Variants in NBEA observed in about 807,000 individuals in gnomAD.
NBEA encodes neurobeachin.
A neutral mutation model predicts 343.4 loss-of-function variants in NBEA; 44 were observed. The ratio of observed to expected loss-of-function variants is 0.13; its 90% CI spans 0.10 to 0.16. NBEA has a LOEUF of 0.16. Ranked by LOEUF, NBEA falls within the 10% of genes least tolerant of loss-of-function variation. The pLI is 1.00. For synonymous variants in NBEA, 1,175 were observed against 1,238.7 expected (o/e 0.95, Z 1.08); for missense variants, 2,555 against 3,631.3 (o/e 0.70, Z 7.62).
At chr13:35,466,524 G>A (rs1378029816) in intron 40 of NBEA, among the ~76,000 whole-genome samples, 1 of 152,170 alleles carries the variant, frequency 6.6e-6, no homozygotes, top group Non-Finnish European at 1.5e-5. Flanking sequence ...CTGGAGTGCA[G>A]TGTCACTGTC....
intron 40 of NBEA, among the ~76,000 whole-genome samples, chr13:35,464,288 C>G (rs2047058745): frequency 6.6e-6 from 1 of 152,200 alleles, no homozygotes; most frequent in Non-Finnish European, 1.5e-5. Context: ...TCATCTCACA[C>G]TGCTTTCCCT....
intron 33 of NBEA, among the ~76,000 whole-genome samples, chr13:35,229,612 G>A (rs1391779897): frequency 6.6e-6 from 1 of 152,038 alleles, no homozygotes; most frequent in Non-Finnish European, 1.5e-5. Flanking sequence ...GCTGTCTCAT[G>A]TGTCTTGGAA....
intron 1 of NBEA, among the ~76,000 whole-genome samples, chr13:34,977,819 A>C (rs923675742): frequency 7.8e-6 from 1 of 128,978 alleles, no homozygotes; most frequent in African/African-American, 2.6e-5. Context: ...TTTAATTTAA[A>C]GTTCTTTTTT....
At chr13:35,016,766 G>T (rs1045750237) in intron 1 of NBEA, among the ~76,000 whole-genome samples, 5 of 152,136 alleles carry the variant, frequency 3.3e-5, no homozygotes, top group African/African-American at 1.2e-4. Flanking sequence ...ATGCCTCTTT[G>T]AAGAGGCAGC....
chr13:35,365,525 T>C (rs2041052167), intron 38 of NBEA, among the ~76,000 whole-genome samples: 1 of 151,684 alleles, frequency 6.6e-6, no homozygotes, highest in Non-Finnish European at 1.5e-5. Flanking sequence ...AAAAATGTTT[T>C]TCAAAAAGTA....
rs1213267362 is a variant in NBEA at position 34,986,849 on chromosome 13, T to G, written c.294+43735T>G. On this transcript the variant is annotated intron_variant, in intron 1 of 58. Transcript: ENST00000379939. Reference sequence around the variant, plus strand: ...TAGGATTGCAACCCCTGCTTTTTTTTGTTTTCCATTTGCTTGGTAGCTCTT... The same window carrying G: ...TAGGATTGCAACCCCTGCTTTTTTTGGTTTTCCATTTGCTTGGTAGCTCTT... Among the ~76,000 whole-genome samples, 3 of 150,912 alleles carry G rather than the reference T, an allele frequency of 2.0e-5. 1 individual carries two copies. Among genetic ancestry groups the G allele is most frequent in the Non-Finnish European group, 4.5e-5 (3 of 67,392 alleles).
chr13:35,137,284 A>G (rs927150810), intron 17 of NBEA, among the ~76,000 whole-genome samples: 2 of 152,138 alleles, frequency 1.3e-5, no homozygotes, highest in Non-Finnish European at 2.9e-5. Context: ...CCCCGTCTCT[A>G]CTAAAAATAC....
At chr13:35,496,870 A>T (rs1594808079) in intron 41 of NBEA, among the ~76,000 whole-genome samples, 1 of 151,924 alleles carries the variant, frequency 6.6e-6, no homozygotes, top group African/African-American at 2.4e-5. Context: ...TCTCAACAAA[A>T]TAATGCTCCC....
At chr13:35,116,054 T>C (rs372030244) in intron 13 of NBEA, among the ~76,000 whole-genome samples, 1 of 152,318 alleles carries the variant, frequency 6.6e-6, no homozygotes, top group East Asian at 1.9e-4. Context: ...AGCTGAGGTC[T>C]GGAGCATGGT....
At chr13:35,491,451 G>A (rs1162207591) in intron 41 of NBEA, among the ~76,000 whole-genome samples, 1 of 151,684 alleles carries the variant, frequency 6.6e-6, no homozygotes, top group Non-Finnish European at 1.5e-5. Flanking sequence ...ATTCCCAATT[G>A]AGCACCTGCT....
At chr13:35,055,988 A>C in intron 6 of NBEA, 22 bp from the exon 7 acceptor site, 1 of 1,551,160 alleles carries the variant, frequency 6.4e-7, no homozygotes. Context: ...ACATATTGAT[A>C]TATTTAATTT....
chr13:35,261,271 G>A (rs998976242), intron 34 of NBEA, among the ~76,000 whole-genome samples: 2 of 152,168 alleles, frequency 1.3e-5, no homozygotes, highest in Non-Finnish European at 2.9e-5. Flanking sequence ...CCAGCACTTT[G>A]GCAGGCTGAG....
intron 36 of NBEA, among the ~76,000 whole-genome samples, chr13:35,338,844 A>T (rs2039419267): frequency 6.6e-6 from 1 of 152,138 alleles, no homozygotes; most frequent in Non-Finnish European, 1.5e-5. Flanking sequence ...GGTTTAACAC[A>T]TGAAAATCAA....
intron 1 of NBEA, among the ~76,000 whole-genome samples, chr13:34,987,901 T>C (rs1389203390): frequency 2.0e-5 from 3 of 150,958 alleles, no homozygotes; most frequent in African/African-American, 7.3e-5. Flanking sequence ...CATCTAATCT[T>C]TTTTCAAGGT....
At position 35,464,741 on chromosome 13, in the gene NBEA, A is replaced by G. The variant is rs80167576; in HGVS notation, c.6449-7659A>G. 1.3e-3 allele frequency among the ~76,000 whole-genome samples: 204 copies of G among 152,300 alleles called. 3 individuals are homozygous for G. Among genetic ancestry groups the G allele is most frequent in the African/African-American group, 4.8e-3 (198 of 41,564 alleles). Reference sequence around the variant, plus strand: ...ATGTTAAGAGAAATAAATCACATAAAGTGCCTTACACAGTTCTTAGTTTAA... The same window carrying G: ...ATGTTAAGAGAAATAAATCACATAAGGTGCCTTACACAGTTCTTAGTTTAA... On this transcript the variant is annotated intron_variant, in intron 40 of 58. Transcript: ENST00000379939.
chr13:35,445,786 A>ATATATATATATATATATATATATATG (rs2045975296), intron 39 of NBEA, among the ~76,000 whole-genome samples: 2 of 40,524 alleles, frequency 4.9e-5, no homozygotes, highest in Admixed American at 1.7e-4. Context: ...AAATGTTTAT[A>ATATATATATATATATATATATATATG]TATATATATA....
chr13:35,374,157 C>G (rs2041609176), intron 38 of NBEA, among the ~76,000 whole-genome samples: 1 of 152,046 alleles, frequency 6.6e-6, no homozygotes. Flanking sequence ...TTCACTGGAA[C>G]AGTTAGATGC....
chr13:35,372,484 T>C lies in NBEA; in HGVS notation c.6179+20161T>C, dbSNP rs545964312. Among the ~76,000 whole-genome samples, 452 of 152,212 alleles carry C rather than the reference T, an allele frequency of 3.0e-3. 4 individuals carry two copies. Among genetic ancestry groups the C allele is most frequent in the African/African-American group, 9.9e-3 (413 of 41,538 alleles). ...CAGGCCAGCAGGACCTGTCCTCAAG[T>C]ATCCTGGTGATACATGCATATGCTG... On this transcript the variant is annotated intron_variant, in intron 38 of 58. Coordinates refer to ENST00000379939, the MANE Select transcript of NBEA (RefSeq NM_001385012.1).
intron 34 of NBEA, among the ~76,000 whole-genome samples, chr13:35,240,701 T>C (rs1271718114): frequency 6.6e-6 from 1 of 151,796 alleles, no homozygotes; most frequent in Non-Finnish European, 1.5e-5. Context: ...TTTGTAGAAA[T>C]AACTCTATGA....
Sources: allele counts gnomAD v4.1 joint callset (sites outside exome capture counted in the v4.1 genomes callset), GRCh38; gene constraint gnomAD v4.1.1; transcripts MANE v1.5; gene names NCBI Gene and HGNC (gene_info 2026-07-23, HGNC 2026-07-21).